The following CUX1 variants were observed in gnomAD, a reference collection of about 807,000 sequenced individuals.
CUX1 encodes protein CASP.
In CUX1, 31 loss-of-function variants were observed where a neutral mutation model predicts 158.8. The observed-to-expected ratio is 0.20, with a 90% confidence interval of 0.15 to 0.26. The LOEUF is 0.26. CUX1 is among the 10% of genes least tolerant of loss of function. The pLI, the probability that CUX1 is intolerant of heterozygous loss-of-function variation, is 1.00. For synonymous variants in CUX1, 879 were observed against 862.1 expected (o/e 1.02, Z -0.34); for missense variants, 1,589 against 2,014.6 (o/e 0.79, Z 4.04).
At chr7:101,985,781 G>C (rs145169313) in intron 2 of CUX1, among the ~76,000 whole-genome samples, 1 of 152,320 alleles carries the variant, frequency 6.6e-6, no homozygotes, top group East Asian at 1.9e-4. Context: ...TGTCTGCCAG[G>C]TAATGGTGTA....
At chr7:101,817,137 C>T (rs939477889), upstream of CUX1, 8 of 984,306 alleles carry the variant, frequency 8.1e-6, no homozygotes, top group Non-Finnish European at 9.6e-6. The surrounding 1 kb of genome is among the most constrained non-coding windows in gnomAD (Gnocchi z 4.1). Context: ...GGTGCGGGCG[C>T]GGGAGGAGGA....
chr7:101,984,089 A>AAAATATATAT (rs1221503978), intron 2 of CUX1, among the ~76,000 whole-genome samples: 1 of 29,842 alleles, frequency 3.4e-5, no homozygotes, highest in Non-Finnish European at 7.0e-5. Context: ...AAAAAAAAAA[A>AAAATATATAT]ATATATATAT....
rs782261181 is a variant in CUX1 at position 102,197,080 on chromosome 7, G to T, written c.1669G>T (p.Ala557Ser). The change falls in exon 15 of 24, where the codon GCC (alanine) becomes TCC (serine). Residue 557 changes from alanine (A) to serine (S), a missense_variant. Transcript: ENST00000292535. ...EGEEMDTAEI[A>S]RQVKEQLIKH... ...CGAGGAGATGGACACTGCAGAAATC[G>T]CCCGGCAGGTCAAAGAGCAGCTGAT... is the stretch of plus-strand genomic sequence containing the variant. 6 of 1,614,204 alleles carry T rather than the reference G, an allele frequency of 3.7e-6. No individual in the cohort carries two copies. Among genetic ancestry groups the T allele is most frequent in the Non-Finnish European group, 5.1e-6 (6 of 1,180,038 alleles).
intron 2 of CUX1, among the ~76,000 whole-genome samples, chr7:101,949,400 G>A (rs1281840926): frequency 6.6e-6 from 1 of 152,000 alleles, no homozygotes; most frequent in Non-Finnish European, 1.5e-5. Flanking sequence ...AAAATGCCGG[G>A]ATTACAGGTA....
chr7:101,857,192 C>T (rs1363337177), intron 1 of CUX1, among the ~76,000 whole-genome samples: 1 of 152,270 alleles, frequency 6.6e-6, no homozygotes, highest in Non-Finnish European at 1.5e-5. Context: ...CTCTCCCAGG[C>T]CTCTGCTTAT....
rs951361578 is a variant in CUX1 at position 102,022,068 on chromosome 7, C to T, written c.142-6030C>T. On this transcript the variant is annotated intron_variant, in intron 2 of 23. Transcript: ENST00000292535. ...CTGGGATATGGGGAGTGGAAGAGAG[C>T]TCATGGGAATTGGGAGCACGAGGCC... Among the ~76,000 whole-genome samples the T allele has an allele frequency of 3.3e-5, 5 of 152,086 alleles. No homozygotes were observed. The East Asian group carries it at 9.6e-4, about 29-fold the overall frequency.
Position 102,011,502 on chromosome 7 carries a change from C to G in CUX1, c.142-16596C>G, listed in dbSNP as rs529997971. Reference sequence around the variant, plus strand: ...GGTTCAAGTGATTCTCCTGCCTCAGCCTCCCAAGTAGCTGGGATTACAGGT... The same window carrying G: ...GGTTCAAGTGATTCTCCTGCCTCAGGCTCCCAAGTAGCTGGGATTACAGGT... On this transcript the variant is annotated intron_variant, in intron 2 of 23. Coordinates refer to ENST00000292535, the MANE Select transcript of CUX1 (RefSeq NM_181552.4). Among the ~76,000 whole-genome samples, 164 of 152,150 alleles carry G rather than the reference C, an allele frequency of 1.1e-3. 1 individual carries two copies. Among genetic ancestry groups the G allele is most frequent in the African/African-American group, 3.9e-3 (160 of 41,526 alleles).
At chr7:101,877,659 C>A (rs1330661629) in intron 1 of CUX1, among the ~76,000 whole-genome samples, 1 of 152,062 alleles carries the variant, frequency 6.6e-6, no homozygotes, top group Admixed American at 6.6e-5. Context: ...TGCACTCCAG[C>A]CTGGGTGACA....
chr7:102,152,598 G>C (rs1835809377), intron 8 of CUX1, among the ~76,000 whole-genome samples: 1 of 152,130 alleles, frequency 6.6e-6, no homozygotes, highest in South Asian at 2.1e-4. Context: ...CACCATGTTG[G>C]CCAAGCTAGT....
At chr7:102,107,238 A>G (rs933955294) in intron 6 of CUX1, among the ~76,000 whole-genome samples, 11 of 149,366 alleles carry the variant, frequency 7.4e-5, no homozygotes, top group Admixed American at 7.3e-4. Flanking sequence ...TGTCTCAAAA[A>G]AGAAAAGAAA....
At chr7:102,269,752 G>T (rs1554545853) in intron 14 of CUX1, among the ~76,000 whole-genome samples, 1 of 151,992 alleles carries the variant, frequency 6.6e-6, no homozygotes, top group African/African-American at 2.4e-5. Flanking sequence ...ACAGCATTTT[G>T]GTCACAACCA....
intron 23 of CUX1, 138 bp downstream of exon 23, chr7:102,239,722 G>A: frequency 2.2e-6 from 2 of 905,396 alleles, no homozygotes; most frequent in Non-Finnish European, 3.2e-6. Context: ...TCCGTTCCTT[G>A]GTCCCTTAGG....
At chr7:102,069,642 G>A (rs1031539792) in intron 3 of CUX1, among the ~76,000 whole-genome samples, 1 of 152,184 alleles carries the variant, frequency 6.6e-6, no homozygotes, top group Non-Finnish European at 1.5e-5. Flanking sequence ...CCAGCTACTT[G>A]GGAGGCTGAG....
intron 23 of CUX1, among the ~76,000 whole-genome samples, chr7:102,242,389 C>G (rs1461064657): frequency 1.3e-5 from 2 of 151,756 alleles, no homozygotes; most frequent in African/African-American, 4.8e-5. Flanking sequence ...TTTTGTATTT[C>G]TAGTAGAGAC....
chr7:102,085,379 A>G (rs1827853637), intron 4 of CUX1, among the ~76,000 whole-genome samples: 1 of 152,196 alleles, frequency 6.6e-6, no homozygotes, highest in African/African-American at 2.4e-5. Flanking sequence ...CTTGAATTGT[A>G]GTTCCCATAA....
intron 21 of CUX1, among the ~76,000 whole-genome samples, chr7:102,231,870 C>T (rs977249152): frequency 5.3e-5 from 8 of 151,800 alleles, no homozygotes; most frequent in Admixed American, 1.3e-4. Context: ...CCCACCACCA[C>T]GCCCAGCTAA....
chr7:102,120,742 C>A (rs1044086756), intron 8 of CUX1, among the ~76,000 whole-genome samples: 1 of 152,190 alleles, frequency 6.6e-6, no homozygotes, highest in Non-Finnish European at 1.5e-5. Context: ...AACTCCAGAT[C>A]CCAAAGGAGG....
At chr7:101,948,914 A>G (rs1054415451) in intron 2 of CUX1, among the ~76,000 whole-genome samples, 1 of 152,202 alleles carries the variant, frequency 6.6e-6, no homozygotes, top group Non-Finnish European at 1.5e-5. Flanking sequence ...GTGTCTGAGT[A>G]TGGCCCAGGA....
At position 101,959,102 on chromosome 7, in the gene CUX1, CG is replaced by C. The variant is rs765746506; in HGVS notation, c.141+42878del. ...CTCAAATTCCTGGGCTTAAGTGATC[CG>C]CCCACTTCGGCCTCCCAAAGGATTA... On this transcript the variant is annotated intron_variant, in intron 2 of 23. Coordinates refer to ENST00000292535, the MANE Select transcript of CUX1 (RefSeq NM_181552.4). Among the ~76,000 whole-genome samples, 20 of 151,988 alleles carry C rather than the reference CG, an allele frequency of 1.3e-4. 2 individuals are homozygous for C. The South Asian group carries it at 3.9e-3, about 30-fold the overall frequency.
Sources: gnomAD v4.1 joint callset for allele counts (sites outside exome capture counted in the v4.1 genomes callset) on GRCh38, gnomAD v4.1.1 for gene constraint, Gnocchi (gnomAD v3.1) non-coding constraint, MANE v1.5 for transcripts, NCBI Gene and HGNC (gene_info 2026-07-23, HGNC 2026-07-21) for gene names.